C2CD3: variants seen among roughly 807,000 people sequenced by gnomAD.
C2CD3 encodes C2 domain containing 3 centriole elongation regulator, also known as C2 domain-containing protein 3.
A neutral mutation model predicts 234.0 loss-of-function variants in C2CD3; 148 were observed. The observed-to-expected ratio is 0.63, with a 90% confidence interval of 0.55 to 0.72. C2CD3 has a LOEUF of 0.72. Among genes scored for constraint, C2CD3 ranks in the 30% least tolerant of loss-of-function variants. The pLI, the probability that C2CD3 is intolerant of heterozygous loss-of-function variation, is 0.00. For synonymous variants in C2CD3, 1,000 were observed against 1,035.4 expected, an observed-to-expected ratio of 0.97 and a Z score of 0.66; for missense variants, 2,577 against 2,811.5, an observed-to-expected ratio of 0.92 and a Z score of 1.89.
chr11:74,059,414 A>T lies in C2CD3; in HGVS notation c.4952-1870T>A, dbSNP rs1270696051. On this transcript the variant is annotated intron_variant, in intron 24 of 32. Transcript: ENST00000334126. The stretch of plus-strand genomic sequence containing the variant: ...TGACAGAGCGAGACTCTGTCTCAAA[A>T]AAAAAAAAAAAAAAAAAAAAAGAAA... Among the ~76,000 whole-genome samples, 155 of 149,542 alleles carry T rather than the reference A, an allele frequency of 1.0e-3. 1 individual carries two copies. Among genetic ancestry groups the T allele is most frequent in the African/African-American group, 3.2e-3 (130 of 40,734 alleles).
intron 24 of C2CD3, among the ~76,000 whole-genome samples, chr11:74,070,045 T>C (rs779814213): frequency 6.6e-6 from 1 of 152,220 alleles, no homozygotes; most frequent in African/African-American, 2.4e-5. Context: ...GTTGATAATA[T>C]TGAAGCTGAT....
Position 74,078,214 on chromosome 11 carries a change from T to C in C2CD3, c.4504A>G (p.Ser1502Gly). The change falls in exon 23 of 33, where the codon AGT (serine) becomes GGT (glycine). Residue 1502 changes from serine (S) to glycine (G), a missense_variant. Transcript: ENST00000334126. ...TCTGTCTGATGGGGTCTCTCCACAC[T>C]GTCATTGCCATAAGCTCGCCACACT... Reference protein sequence around the residue: ...IQVWRAYGNDSVERPHQTDSW... With the variant: ...IQVWRAYGNDGVERPHQTDSW... 1 of 1,614,124 alleles carries C rather than the reference T, an allele frequency of 6.2e-7. No homozygotes were observed. Among genetic ancestry groups the C allele is most frequent in the African/African-American group, 1.3e-5 (1 of 75,036 alleles).
chr11:74,022,808 G>T (rs1952143150), intron 32 of C2CD3, among the ~76,000 whole-genome samples: 1 of 152,222 alleles, frequency 6.6e-6, no homozygotes. Context: ...TAATGAATTT[G>T]GAACTGCAAA....
At chr11:74,149,541 T>C (rs1030949352) in intron 3 of C2CD3, among the ~76,000 whole-genome samples, 1 of 152,154 alleles carries the variant, frequency 6.6e-6, no homozygotes, top group African/African-American at 2.4e-5. Flanking sequence ...TCTGAACTTT[T>C]TGCCAGTTAT....
At chr11:74,059,431 A>G (rs1436708267) in intron 24 of C2CD3, among the ~76,000 whole-genome samples, 1 of 151,412 alleles carries the variant, frequency 6.6e-6, no homozygotes, top group Admixed American at 6.6e-5. Flanking sequence ...AAAAAAAAAA[A>G]AAAAGAAAGA....
At chr11:74,154,261 C>A (rs1218467138) in intron 3 of C2CD3, among the ~76,000 whole-genome samples, 3 of 151,654 alleles carry the variant, frequency 2.0e-5, no homozygotes, top group African/African-American at 7.3e-5. Context: ...GATCGATAAA[C>A]CTGATTTCAT....
chr11:74,092,078 G>A (rs1293272275), intron 19 of C2CD3, among the ~76,000 whole-genome samples: 1 of 150,980 alleles, frequency 6.6e-6, no homozygotes, highest in African/African-American at 2.4e-5. Context: ...TTTGAGACGA[G>A]TTTCGCTTTT....
Position 74,139,643 on chromosome 11 carries a change from T to C in C2CD3, c.669A>G (p.Lys223=). 3 of 1,613,758 alleles carry C rather than the reference T, an allele frequency of 1.9e-6. No individual in the cohort carries two copies. Among genetic ancestry groups the C allele is most frequent in the Non-Finnish European group, 2.5e-6 (3 of 1,179,656 alleles). ...RDIHTIKIDG[K]ELAANSSRST... ...ATCTACTGCTGTTGGCTGCTAACTC[T>C]TTTCCATCAATTTTGATGGTATGTA... The change falls in exon 4 of 33, where the codon AAA becomes AAG. Residue 223 remains lysine, a synonymous_variant. Coordinates refer to ENST00000334126, the MANE Select transcript of C2CD3 (RefSeq NM_001286577.2).
chr11:74,055,452 A>G (rs1953910296), intron 25 of C2CD3, among the ~76,000 whole-genome samples: 1 of 152,236 alleles, frequency 6.6e-6, no homozygotes, highest in South Asian at 2.1e-4. Flanking sequence ...CAGGTAAGCA[A>G]GATGGAGATC....
chr11:74,156,302 A>C (rs1224162879), intron 3 of C2CD3, among the ~76,000 whole-genome samples: 6 of 151,604 alleles, frequency 4.0e-5, no homozygotes, highest in Admixed American at 3.9e-4. Flanking sequence ...AAACAAAAAA[A>C]CAACAAAAAC....
At chr11:74,018,790 A>C (rs1951970333) in intron 32 of C2CD3, among the ~76,000 whole-genome samples, 1 of 152,210 alleles carries the variant, frequency 6.6e-6, no homozygotes, top group African/African-American at 2.4e-5. Context: ...GGCAAATCCC[A>C]AATCTGACCT....
rs1384954084 is a variant in C2CD3 at position 74,111,967 on chromosome 11, CACAT to C, written c.1843+1809_1843+1812del. 6.9e-3 allele frequency among the ~76,000 whole-genome samples: 595 copies of C among 86,782 alleles called. 2 individuals carry two copies. The highest frequency in any genetic ancestry group is 0.02 in the African/African-American group (451 of 22,376). The allele number at this position is 86,782 out of a possible 152,430, so 56.9% of individuals were successfully genotyped here. On this transcript the variant is annotated intron_variant, in intron 11 of 32. Coordinates refer to ENST00000334126, the MANE Select transcript of C2CD3 (RefSeq NM_001286577.2). ...ACACACACACACACACACACACACA[CACAT>C]ATATATATACACACACACATTATCT...
At chr11:74,037,787 C>A in intron 29 of C2CD3, 89 bp from the exon 30 acceptor site, 1 of 992,760 alleles carries the variant, frequency 1.0e-6, no homozygotes, top group South Asian at 1.4e-5. Flanking sequence ...ACCGCTTGAG[C>A]CAAAGCCTTA....
chr11:74,084,213 T>G (rs1955530541), intron 22 of C2CD3, among the ~76,000 whole-genome samples: 1 of 152,090 alleles, frequency 6.6e-6, no homozygotes. Context: ...AGACACCGCA[T>G]GTTCTTACTC....
intron 9 of C2CD3, among the ~76,000 whole-genome samples, chr11:74,115,725 TA>T (rs1333031456): frequency 6.6e-6 from 1 of 152,118 alleles, no homozygotes; most frequent in Non-Finnish European, 1.5e-5. Context: ...CTTCAAACTA[TA>T]CTATAAGGCC....
chr11:74,106,640 T>C, intron 12 of C2CD3, 147 bp from the exon 13 acceptor site: 1 of 689,740 alleles, frequency 1.4e-6, no homozygotes, highest in Admixed American at 3.2e-5. Context: ...GAGATCCCAC[T>C]TTGTCATATT....
At chr11:74,132,765 G>A (rs1957716732) in intron 7 of C2CD3, 79 bp downstream of exon 7, 1 of 1,382,270 alleles carries the variant, frequency 7.2e-7, no homozygotes, top group South Asian at 1.3e-5. Context: ...GTTACTTTAG[G>A]AAGATGAATC....
At chr11:74,050,642 G>A (rs1953631094) in intron 26 of C2CD3, among the ~76,000 whole-genome samples, 1 of 152,170 alleles carries the variant, frequency 6.6e-6, no homozygotes. Context: ...AGGAGTAATC[G>A]TGAAGTTCCC....
chr11:74,067,405 T>C (rs886383461), intron 24 of C2CD3, among the ~76,000 whole-genome samples: 4 of 152,038 alleles, frequency 2.6e-5, no homozygotes, highest in African/African-American at 9.7e-5. Context: ...GCATTAAAGA[T>C]ATAGAGAACT....
Sources: allele counts gnomAD v4.1 joint callset (sites outside exome capture counted in the v4.1 genomes callset), GRCh38; gene constraint gnomAD v4.1.1; transcripts MANE v1.5; gene names NCBI Gene and HGNC (gene_info 2026-07-23, HGNC 2026-07-21).